Variants in CUL1 observed in about 807,000 individuals in gnomAD.
The protein encoded by CUL1 is cullin-1.
In CUL1, 24 loss-of-function variants were observed where a neutral mutation model predicts 118.0. The ratio of observed to expected loss-of-function variants is 0.20; its 90% CI spans 0.15 to 0.29. The LOEUF (loss-of-function observed/expected upper bound fraction) is 0.29, where lower values mean the gene tolerates loss of function less well. CUL1 is among the 10% of genes least tolerant of loss of function. The pLI is 1.00. For synonymous variants in CUL1, 332 were observed against 340.4 expected (o/e 0.98, Z 0.27); for missense variants, 361 against 933.8 (o/e 0.39, Z 7.99).
intron 11 of CUL1, among the ~76,000 whole-genome samples, chr7:148,785,715 A>G (rs183353706): frequency 2.2e-4 from 34 of 152,058 alleles, no homozygotes; most frequent in Admixed American, 5.9e-4. Context: ...CGTCAAGTCT[A>G]CTGATACTAG....
At chr7:148,780,336 T>A (rs779680296) in intron 9 of CUL1, among the ~76,000 whole-genome samples, 1 of 152,244 alleles carries the variant, frequency 6.6e-6, no homozygotes, top group Non-Finnish European at 1.5e-5. Context: ...AACTGAATGA[T>A]GAGTACATGG....
intron 2 of CUL1, among the ~76,000 whole-genome samples, chr7:148,732,661 T>C (rs1210390211): frequency 6.6e-6 from 1 of 152,150 alleles, no homozygotes; most frequent in East Asian, 1.9e-4. Flanking sequence ...TAATGTGTTC[T>C]TTTTTAAATC....
At chr7:148,733,140 C>T (rs538288875) in intron 2 of CUL1, among the ~76,000 whole-genome samples, 78 of 152,124 alleles carry the variant, frequency 5.1e-4, no homozygotes, top group Non-Finnish European at 1.0e-3. Flanking sequence ...TCTAGAATTG[C>T]CTTTAGACAC....
At chr7:148,721,014 C>G (rs774164885) in intron 1 of CUL1, among the ~76,000 whole-genome samples, 12 of 152,172 alleles carry the variant, frequency 7.9e-5, no homozygotes, top group Admixed American at 2.6e-4. Context: ...AGCCTCTTTT[C>G]TTTTCAGGCA....
At chr7:148,757,901 T>C (rs1799708315) in intron 4 of CUL1, among the ~76,000 whole-genome samples, 1 of 152,174 alleles carries the variant, frequency 6.6e-6, no homozygotes, top group East Asian at 1.9e-4. Context: ...GAGAACAGTA[T>C]GGGGGAACCA....
intron 7 of CUL1, among the ~76,000 whole-genome samples, chr7:148,761,824 A>G (rs1348351047): frequency 6.6e-6 from 1 of 152,304 alleles, no homozygotes; most frequent in Non-Finnish European, 1.5e-5. Flanking sequence ...ATGGTCCCCA[A>G]CCCTTTTGGC....
intron 9 of CUL1, among the ~76,000 whole-genome samples, chr7:148,768,474 TC>T (rs1800084371): frequency 6.7e-6 from 1 of 148,524 alleles, no homozygotes; most frequent in African/African-American, 2.5e-5. Context: ...AACCTCCGCT[TC>T]CTGGGTTCAA....
chr7:148,779,094 G>T (rs1324396552), intron 9 of CUL1, among the ~76,000 whole-genome samples: 1 of 152,200 alleles, frequency 6.6e-6, no homozygotes, highest in Non-Finnish European at 1.5e-5. Context: ...ACCTTTTTAA[G>T]AAAGAGTAAG....
rs1023480812 is a variant in CUL1 at position 148,760,417 on chromosome 7, T to G, written c.710T>G (p.Leu237Trp). 6.2e-7 allele frequency: 1 copy of G among 1,613,536 alleles called. No homozygotes were observed. The highest frequency in any genetic ancestry group is 1.3e-5 in the African/African-American group (1 of 74,908). Residue 237 changes from leucine (L) to tryptophan (W), a missense_variant, in exon 7 of 22, where the codon TTG (leucine) becomes TGG (tryptophan). Transcript: ENST00000325222. ...VYKESFESQF[L>W]ADTERFYTRE... ...AAAGAATCCTTTGAATCTCAATTTTTGGCTGACACAGAGAGATTTTATACC... is the reference window on the plus strand; with the variant it reads ...AAAGAATCCTTTGAATCTCAATTTTGGGCTGACACAGAGAGATTTTATACC...
intron 9 of CUL1, chr7:148,783,303 G>T: frequency 2.0e-6 from 2 of 984,400 alleles, no homozygotes; most frequent in Non-Finnish European, 1.2e-6. Context: ...GCGGATCCGC[G>T]CCTCTGGTTT....
At chr7:148,744,766 C>T (rs1684673013) in intron 2 of CUL1, among the ~76,000 whole-genome samples, 1 of 152,106 alleles carries the variant, frequency 6.6e-6, no homozygotes, top group Admixed American at 6.6e-5. Flanking sequence ...AGTTTGCTTC[C>T]ACCCAAAATG....
At chr7:148,705,604 C>CGG (rs769523744) in intron 1 of CUL1, among the ~76,000 whole-genome samples, 1 of 152,038 alleles carries the variant, frequency 6.6e-6, no homozygotes, top group Non-Finnish European at 1.5e-5. Context: ...AAAGTCAGAA[C>CGG]GGGGGAAAAA....
In CUL1 at chr7:148,799,795, AT is replaced by A. The variant is rs149780341; in HGVS notation, c.2250+410del. Among the ~76,000 whole-genome samples the A allele has an allele frequency of 3.7e-3, 571 of 152,300 alleles. 2 individuals are homozygous for A. Among genetic ancestry groups the A allele is most frequent in the African/African-American group, 0.013 (552 of 41,564 alleles). On this transcript the variant is annotated intron_variant, in intron 21 of 21. Coordinates refer to ENST00000325222, the MANE Select transcript of CUL1 (RefSeq NM_003592.3). ...GCACACACTCCCGTGCCTGGTAAGAATTTCCTCAGCAGTATCTTCGGGAGGT... is the reference window on the plus strand; with the variant it reads ...GCACACACTCCCGTGCCTGGTAAGAATTCCTCAGCAGTATCTTCGGGAGGT...
intron 9 of CUL1, among the ~76,000 whole-genome samples, chr7:148,779,167 T>C (rs1800525090): frequency 6.6e-6 from 1 of 152,258 alleles, no homozygotes; most frequent in Admixed American, 6.5e-5. Flanking sequence ...TTTAGAATTA[T>C]CCTTTTAGTG....
intron 2 of CUL1, among the ~76,000 whole-genome samples, chr7:148,737,570 A>ATT (rs374704765): frequency 1.8e-4 from 20 of 111,986 alleles, no homozygotes; most frequent in Non-Finnish European, 2.5e-4. Flanking sequence ...ATATATATAT[A>ATT]TTTTTATATT....
In CUL1 at chr7:148,800,427, C is replaced by T. The variant is rs1801349314; in HGVS notation, c.2251-75C>T. ...CAGGGGAGATTTGTGGTGGGGGCAGCCTCTCTCTGTTCTGATGATAATTTG... is the reference window on the plus strand; with the variant it reads ...CAGGGGAGATTTGTGGTGGGGGCAGTCTCTCTCTGTTCTGATGATAATTTG... On this transcript the variant is annotated intron_variant, in intron 21 of 21. Coordinates refer to ENST00000325222, the MANE Select transcript of CUL1 (RefSeq NM_003592.3). This position sits in a 1 kb window ranked among gnomAD's most constrained non-coding sequence, Gnocchi z 4.6. 1 of 1,200,648 alleles carries T rather than the reference C, an allele frequency of 8.3e-7. No homozygotes were observed. The highest frequency in any genetic ancestry group is 1.7e-5 in the Admixed American group (1 of 57,984). The allele number at this position is 1,200,648 out of a possible 1,614,324, so 74.4% of individuals were successfully genotyped here. A position where few individuals can be genotyped will look rare whatever the true frequency, so the allele number is the denominator to read the frequency against.
chr7:148,736,689 T>C (rs1276984091), intron 2 of CUL1, among the ~76,000 whole-genome samples: 2 of 152,230 alleles, frequency 1.3e-5, no homozygotes, highest in African/African-American at 2.4e-5. Flanking sequence ...CAAAATTGCA[T>C]GTGCAAGGCT....
At chr7:148,705,607 G>A (rs1482319415) in intron 1 of CUL1, among the ~76,000 whole-genome samples, 1 of 152,168 alleles carries the variant, frequency 6.6e-6, no homozygotes, top group Non-Finnish European at 1.5e-5. Flanking sequence ...GTCAGAACGG[G>A]GGAAAAAGGC....
chr7:148,788,153 C>T (rs1274436264), intron 13 of CUL1, among the ~76,000 whole-genome samples: 1 of 152,186 alleles, frequency 6.6e-6, no homozygotes, highest in East Asian at 1.9e-4. Context: ...AGGCCCCATG[C>T]TCAAGACCGC....
Sources: allele counts gnomAD v4.1 joint callset (sites outside exome capture counted in the v4.1 genomes callset), GRCh38; gene constraint gnomAD v4.1.1; non-coding constraint Gnocchi (gnomAD v3.1); transcripts MANE v1.5; gene names NCBI Gene and HGNC (gene_info 2026-07-23, HGNC 2026-07-21).